ARHGEF38: variants seen among roughly 807,000 people sequenced by gnomAD.
ARHGEF38 encodes the protein Rho guanine nucleotide exchange factor (GEF) 38.
ARHGEF38 carries 79 observed loss-of-function variants against 79.9 expected under a neutral mutation model. The ratio of observed to expected loss-of-function variants is 0.99; its 90% CI spans 0.82 to 1.19. ARHGEF38 has a LOEUF of 1.19. Among genes scored for constraint, ARHGEF38 ranks in the 50% most tolerant of loss-of-function variants. The pLI is 0.00. For missense variants in ARHGEF38, 962 were observed against 907.2 expected (o/e 1.06, Z -0.78); for synonymous variants, 366 against 328.3 (o/e 1.11, Z -1.24).
chr4:105,609,072 CAT>C (rs1728177608), intron 2 of ARHGEF38, among the ~76,000 whole-genome samples: 1 of 152,022 alleles, frequency 6.6e-6, no homozygotes, highest in South Asian at 2.1e-4. Flanking sequence ...ATATCCAAAA[CAT>C]AATTGCACAG....
chr4:105,661,678 T>C (rs958005729), intron 10 of ARHGEF38, among the ~76,000 whole-genome samples: 5 of 152,198 alleles, frequency 3.3e-5, no homozygotes, highest in South Asian at 2.1e-4. Context: ...TATTTGCATA[T>C]ACACATCTGT....
At chr4:105,620,719 C>A (rs554162464) in intron 3 of ARHGEF38, among the ~76,000 whole-genome samples, 1 of 152,040 alleles carries the variant, frequency 6.6e-6, no homozygotes, top group East Asian at 1.9e-4. Flanking sequence ...GGAGATTTAA[C>A]ATATCAAGTG....
intron 1 of ARHGEF38, chr4:105,561,600 G>C (rs1116764): frequency 6.8e-6 from 1 of 146,512 alleles, no homozygotes; most frequent in Non-Finnish European, 1.5e-5. Flanking sequence ...GTCTCTGTTC[G>C]TCTTTTTTGG....
intron 1 of ARHGEF38, among the ~76,000 whole-genome samples, chr4:105,554,944 G>T (rs1255717001): frequency 6.6e-6 from 1 of 151,952 alleles, no homozygotes; most frequent in Admixed American, 6.6e-5. Flanking sequence ...CTAATGACAT[G>T]TTTTTTCTGT....
intron 2 of ARHGEF38, among the ~76,000 whole-genome samples, chr4:105,590,956 A>C (rs1578287290): frequency 6.6e-6 from 1 of 152,060 alleles, no homozygotes; most frequent in African/African-American, 2.4e-5. Flanking sequence ...TTATTTTATA[A>C]GAACTTTCTG....
intron 11 of ARHGEF38, among the ~76,000 whole-genome samples, chr4:105,666,927 G>T (rs1328407098): frequency 6.6e-6 from 1 of 152,068 alleles, no homozygotes; most frequent in African/African-American, 2.4e-5. Context: ...GCCCTCCTGT[G>T]CTTACTAGAA....
chr4:105,618,627 A>G (rs1241849883), intron 3 of ARHGEF38, among the ~76,000 whole-genome samples: 1 of 152,236 alleles, frequency 6.6e-6, no homozygotes, highest in African/African-American at 2.4e-5. Context: ...TCTCAAAAAA[A>G]AGAAAAAAGA....
At chr4:105,616,271 T>C (rs1265223350) in intron 3 of ARHGEF38, among the ~76,000 whole-genome samples, 2 of 152,168 alleles carry the variant, frequency 1.3e-5, no homozygotes, top group Non-Finnish European at 2.9e-5. Context: ...TTCATGTTTG[T>C]ATTAGTCAGT....
In ARHGEF38 at chr4:105,678,054, A is replaced by T; in HGVS notation, c.*117A>T. 3.7e-6 allele frequency: 3 copies of T among 820,852 alleles called. No individual in the cohort carries two copies. The highest frequency in any genetic ancestry group is 2.7e-5 in the East Asian group (1 of 37,024). The allele number at this position is 820,852 out of a possible 1,614,324, so 50.8% of individuals were successfully genotyped here. ...AAACCTCTGAACTACAGAAACTGAT[A>T]CTGTACTGGGTTTTCAGGAATACTG... On this transcript the variant is annotated 3_prime_UTR_variant, in exon 14 of 14. Coordinates refer to ENST00000420470, the MANE Select transcript of ARHGEF38 (RefSeq NM_001242729.2).
At chr4:105,670,801 T>A (rs758886440) in intron 13 of ARHGEF38, among the ~76,000 whole-genome samples, 1 of 152,218 alleles carries the variant, frequency 6.6e-6, no homozygotes, top group Non-Finnish European at 1.5e-5. Context: ...ATAACCTAGA[T>A]GGACAGAAAT....
intron 1 of ARHGEF38, among the ~76,000 whole-genome samples, chr4:105,587,681 C>T (rs1406974115): frequency 6.6e-6 from 1 of 152,094 alleles, no homozygotes; most frequent in African/African-American, 2.4e-5. Context: ...AGGATGATCT[C>T]GATCTCCTGA....
At chr4:105,604,351 T>A (rs1041440143) in intron 2 of ARHGEF38, among the ~76,000 whole-genome samples, 2 of 152,194 alleles carry the variant, frequency 1.3e-5, no homozygotes, top group Admixed American at 1.3e-4. Context: ...TTCTATGTTG[T>A]ACCAGTTTCG....
intron 9 of ARHGEF38, among the ~76,000 whole-genome samples, chr4:105,657,332 T>A (rs1391659248): frequency 6.6e-6 from 1 of 152,256 alleles, no homozygotes; most frequent in East Asian, 1.9e-4. Context: ...AACCACAAGA[T>A]GATTAATTAG....
chr4:105,606,161 A>ATTAAT (rs1360166724), intron 2 of ARHGEF38, among the ~76,000 whole-genome samples: 1 of 152,124 alleles, frequency 6.6e-6, no homozygotes, highest in Non-Finnish European at 1.5e-5. Context: ...ATTAATTCTA[A>ATTAAT]TGTAATTACT....
intron 5 of ARHGEF38, among the ~76,000 whole-genome samples, chr4:105,642,681 G>A (rs1729670444): frequency 6.6e-6 from 1 of 152,156 alleles, no homozygotes; most frequent in African/African-American, 2.4e-5. Context: ...GAATCTCCAG[G>A]ATGATGGGAG....
At chr4:105,637,636 A>G (rs1046649922) in intron 5 of ARHGEF38, among the ~76,000 whole-genome samples, 11 of 152,230 alleles carry the variant, frequency 7.2e-5, no homozygotes, top group African/African-American at 2.6e-4. Flanking sequence ...GCTTTGCATA[A>G]CTGAGTGGTT....
intron 2 of ARHGEF38, among the ~76,000 whole-genome samples, chr4:105,607,440 C>G (rs1728098251): frequency 6.6e-6 from 1 of 152,020 alleles, no homozygotes; most frequent in Non-Finnish European, 1.5e-5. Flanking sequence ...CAATTCAGTT[C>G]AAATTTTTAA....
rs2110540055 is a variant in ARHGEF38, at chr4:105,645,230, A to C, written c.717A>C (p.Lys239Asn). Residue 239 changes from lysine to asparagine, a missense_variant, in exon 6 of 14, where the codon AAA becomes AAC. Transcript: ENST00000420470. ...TGGACATGGGCTCTTTGATGATCAA[A>C]CCAATTCAACGTGTGATGAAATACC... Reference protein sequence around the residue: ...NLLDMGSLMIKPIQRVMKYPL... With the variant: ...NLLDMGSLMINPIQRVMKYPL... 6.5e-7 allele frequency: 1 copy of C among 1,534,690 alleles called. No homozygotes were observed. The highest frequency in any genetic ancestry group is 2.4e-5 in the East Asian group (1 of 40,900).
intron 1 of ARHGEF38, among the ~76,000 whole-genome samples, chr4:105,585,873 A>T (rs912787577): frequency 1.3e-5 from 2 of 151,684 alleles, no homozygotes; most frequent in Admixed American, 6.6e-5. Flanking sequence ...CTGGGATTAC[A>T]GGCATGTGCC....
Sources: allele counts gnomAD v4.1 joint callset (sites outside exome capture counted in the v4.1 genomes callset), GRCh38; gene constraint gnomAD v4.1.1; transcripts MANE v1.5; gene names NCBI Gene and HGNC (gene_info 2026-07-23, HGNC 2026-07-21).